The following HK1 variants were observed in gnomAD, a reference collection of about 807,000 sequenced individuals.
HK1 encodes the protein hexokinase-1.
Under a neutral mutation model 91.6 loss-of-function variants are expected in HK1, and 28 were observed. The ratio of observed to expected loss-of-function variants is 0.31; its 90% CI spans 0.23 to 0.42. The LOEUF is 0.42. Among genes scored for constraint, HK1 ranks in the 10% least tolerant of loss-of-function variants. The pLI is 1.00. For missense variants in HK1, 770 were observed against 1,219.8 expected, an observed-to-expected ratio of 0.63 and a Z score of 5.49; for synonymous variants, 430 against 468.1, an observed-to-expected ratio of 0.92 and a Z score of 1.05.
At chr10:69,389,779 T>C (rs1839814026) in intron 14 of HK1, among the ~76,000 whole-genome samples, 1 of 152,162 alleles carries the variant, frequency 6.6e-6, no homozygotes, top group African/African-American at 2.4e-5. Context: ...GGGCACCATT[T>C]TGCCTTTAGC....
chr10:69,361,317 G>A (rs1167384374), intron 3 of HK1, among the ~76,000 whole-genome samples: 1 of 152,250 alleles, frequency 6.6e-6, no homozygotes, highest in Non-Finnish European at 1.5e-5. Context: ...GGGCTGCAGA[G>A]ACTGGCCCAT....
At chr10:69,391,008 C>T (rs1164499525) in intron 14 of HK1, among the ~76,000 whole-genome samples, 2 of 152,200 alleles carry the variant, frequency 1.3e-5, no homozygotes, top group East Asian at 3.9e-4. Context: ...CTTAGCTCCT[C>T]ATGGGCTGGA....
intron 4 of HK1, 112 bp from the exon 5 acceptor site, chr10:69,368,424 C>A: frequency 1.1e-6 from 1 of 871,490 alleles, no homozygotes; most frequent in Non-Finnish European, 1.9e-6. Context: ...TGGGAGGAGC[C>A]ACTTGGCCCC....
At chr10:69,309,709 G>A (rs1037618060) in intron 5 of HK1, among the ~76,000 whole-genome samples, 3 of 151,256 alleles carry the variant, frequency 2.0e-5, no homozygotes, top group African/African-American at 4.9e-5. Context: ...GCTGAGGCAG[G>A]AGAATCACCT....
At chr10:69,347,306 C>A (rs571540672) in intron 2 of HK1, among the ~76,000 whole-genome samples, 102 of 152,048 alleles carry the variant, frequency 6.7e-4, no homozygotes, top group African/African-American at 2.3e-3. Flanking sequence ...CTACTGCGCC[C>A]GGCCACACAT....
At chr10:69,388,142 A>G (rs917761341) in intron 13 of HK1, among the ~76,000 whole-genome samples, 2 of 152,156 alleles carry the variant, frequency 1.3e-5, no homozygotes, top group Admixed American at 6.5e-5. Flanking sequence ...CATTGAAAAT[A>G]TAGCTGCGGG....
chr10:69,321,122 T>G (rs899865419), intron 1 of HK1, among the ~76,000 whole-genome samples: 66 of 152,316 alleles, frequency 4.3e-4, no homozygotes, highest in African/African-American at 1.6e-3. Context: ...ACCACGGACT[T>G]CCTATGCTGC....
chr10:69,377,332 T>C (rs371790801), intron 8 of HK1, among the ~76,000 whole-genome samples: 1 of 152,066 alleles, frequency 6.6e-6, no homozygotes, highest in East Asian at 1.9e-4. Context: ...CCTGTCTAGC[T>C]ACAAGAGCAG....
chr10:69,297,844 T>C (rs1845643744), intron 4 of HK1, among the ~76,000 whole-genome samples: 1 of 148,246 alleles, frequency 6.7e-6, no homozygotes, highest in African/African-American at 2.5e-5. Flanking sequence ...TGCAGTGAGC[T>C]GAGATCCTGC....
Position 69,276,111 on chromosome 10 carries a change from AAAAAAAAATAC to A in HK1, c.-391+6005_-391+6015del, listed in dbSNP as rs1203894720. Among the ~76,000 whole-genome samples, 26 of 68,440 alleles carry A rather than the reference AAAAAAAAATAC, an allele frequency of 3.8e-4. 1 individual carries two copies. The highest frequency in any genetic ancestry group is 1.4e-3 in the African/African-American group (23 of 16,216). 44.9% of individuals were successfully genotyped at this position (68,440 alleles called of 152,430 possible). A position where few individuals can be genotyped will look rare whatever the true frequency, so the allele number is the denominator to read the frequency against. ...TTTTCAAAAAAAAAAAAAAAAAAAA[AAAAAAAAATAC>A]ATATATATATATATATACACATATA... On this transcript the variant is annotated intron_variant, in intron 1 of 21. Coordinates refer to the HK1 transcript ENST00000360289.
intron 12 of HK1, among the ~76,000 whole-genome samples, 185 bp from the exon 13 acceptor site, chr10:69,386,138 A>G (rs2084274): frequency 0.55 from 83,174 of 152,024 alleles, 23,124 homozygotes; most frequent in East Asian, 0.64. Context: ...GATTATTTCA[A>G]ACCCCTATGA....
chr10:69,324,202 A>T (rs534731494), intron 1 of HK1, among the ~76,000 whole-genome samples: 131 of 152,332 alleles, frequency 8.6e-4, no homozygotes, highest in Non-Finnish European at 1.5e-3. Context: ...TTTCTTTAAA[A>T]AATGTTTGAT....
chr10:69,374,831 A>G (rs1488289082), intron 7 of HK1, among the ~76,000 whole-genome samples: 1 of 152,238 alleles, frequency 6.6e-6, no homozygotes, highest in Non-Finnish European at 1.5e-5. Flanking sequence ...GGCTGATGTT[A>G]GCGCATCCTA....
At chr10:69,272,172 T>C (rs1564744406) in intron 1 of HK1, among the ~76,000 whole-genome samples, 1 of 152,206 alleles carries the variant, frequency 6.6e-6, no homozygotes, top group Non-Finnish European at 1.5e-5. Context: ...CCCAATATAT[T>C]TGTGATTTCC....
intron 3 of HK1, among the ~76,000 whole-genome samples, chr10:69,361,376 TGCCCAGTTG>T (rs1350812235): frequency 2.0e-5 from 3 of 152,246 alleles, no homozygotes; most frequent in Non-Finnish European, 4.4e-5. Flanking sequence ...CTCTTGACCA[TGCCCAGTTG>T]GCTGCTGCAT....
intron 1 of HK1, among the ~76,000 whole-genome samples, chr10:69,329,574 C>T (rs1023343079): frequency 2.0e-5 from 3 of 152,142 alleles, no homozygotes; most frequent in East Asian, 1.9e-4. Context: ...AATGAGCAAA[C>T]GAAGGCCCCC....
intron 3 of HK1, among the ~76,000 whole-genome samples, chr10:69,294,027 G>A (rs10762278): frequency 0.58 from 86,801 of 150,100 alleles, 26,703 homozygotes; most frequent in African/African-American, 0.8. Flanking sequence ...ACGCCCGGCT[G>A]ATTTTTTGTA....
At position 69,368,547 on chromosome 10, in the gene HK1, C is replaced by T. The variant is rs1367908936; in HGVS notation, c.507C>T (p.Ile169=). Residue 169 remains isoleucine (I), a synonymous_variant, in exon 5 of 18, where the codon ATC becomes ATT. Transcript: ENST00000359426. The stretch of plus-strand genomic sequence containing the variant: ...ATTCTTCTTTGCAGGCCATCCTGAT[C>T]ACCTGGACAAAGCGATTTAAAGCGA... ...QQSKIDEAIL[I]TWTKRFKASG... 1 of 1,613,974 alleles carries T rather than the reference C, an allele frequency of 6.2e-7. No homozygotes were observed. Among genetic ancestry groups the T allele is most frequent in the African/African-American group, 1.3e-5 (1 of 74,950 alleles).
intron 3 of HK1, among the ~76,000 whole-genome samples, chr10:69,293,281 G>T (rs1354054873): frequency 6.6e-6 from 1 of 152,110 alleles, no homozygotes; most frequent in Non-Finnish European, 1.5e-5. Flanking sequence ...CAGGTGGGCT[G>T]GTACTCACAT....
Sources: allele counts gnomAD v4.1 joint callset (sites outside exome capture counted in the v4.1 genomes callset), GRCh38; gene constraint gnomAD v4.1.1; transcripts MANE v1.5; gene names NCBI Gene and HGNC (gene_info 2026-07-23, HGNC 2026-07-21).